PER3: variants seen among roughly 807,000 people sequenced by gnomAD.
PER3 encodes period circadian protein homolog 3.
A neutral mutation model predicts 127.2 loss-of-function variants in PER3; 107 were observed. The observed-to-expected ratio is 0.84, with a 90% CI of 0.72 to 0.99. PER3 has a LOEUF of 0.99. Ranked by LOEUF, PER3 falls within the 50% of genes least tolerant of loss-of-function variation. The pLI is 0.00. For missense variants in PER3, 1,560 were observed against 1,525.8 expected, an observed-to-expected ratio of 1.02 and a Z score of -0.37; for synonymous variants, 618 against 585.8, an observed-to-expected ratio of 1.05 and a Z score of -0.79.
chr1:7,808,166 A>G (rs2097203313), intron 10 of PER3, among the ~76,000 whole-genome samples: 1 of 146,624 alleles, frequency 6.8e-6, no homozygotes, highest in Non-Finnish European at 1.5e-5. Flanking sequence ...CTGGGTGGCA[A>G]AGATTGCAGT....
chr1:7,784,514 C>T (rs1338251542), intron 1 of PER3, 138 bp downstream of exon 1: 5 of 167,940 alleles, frequency 3.0e-5, no homozygotes, highest in African/African-American at 1.2e-4. Context: ...CACCCGCCTC[C>T]CCGGGCCCCA....
Position 7,812,624 on chromosome 1 carries a change from C to CAAAAAAAAA in PER3, c.1522+2053_1522+2061dup, listed in dbSNP as rs35962033. On this transcript the variant is annotated intron_variant, in intron 13 of 21. Coordinates refer to ENST00000377532, the MANE Select transcript of PER3 (RefSeq NM_001377275.1). The stretch of plus-strand genomic sequence containing the variant: ...TGGGCAACAGAGCAAGACTCCGTCT[C>CAAAAAAAAA]AAAAAAAAAAAAAAAAAAAAAAAAA... 4.6e-3 allele frequency among the ~76,000 whole-genome samples: 395 copies of CAAAAAAAAA among 85,390 alleles called. 24 individuals are homozygous for CAAAAAAAAA. The highest frequency in any genetic ancestry group is 0.018 in the African/African-American group (347 of 19,092). The allele number at this position is 85,390 out of a possible 152,430, so 56.0% of individuals were successfully genotyped here. A position where few individuals can be genotyped will look rare whatever the true frequency, so the allele number is the denominator to read the frequency against.
chr1:7,836,968 G>A (rs758736663), intron 20 of PER3, 31 bp from the exon 21 acceptor site: 2 of 1,582,000 alleles, frequency 1.3e-6, no homozygotes, highest in Non-Finnish European at 8.7e-7. Flanking sequence ...TCTTATTCAG[G>A]ACTATTAAGA....
At position 7,827,534 on chromosome 1, in the gene PER3, T is replaced by G. The variant is rs1459406328; in HGVS notation, c.2605T>G (p.Leu869Val). ...FLPDPPVCPL[L>V]SPSFLPCPFL... ...GCCTGACCCCCCTGTCTGTCCTCTG[T>G]TGTCGCCATCGTTTTTGCCATGTCC... The change falls in exon 18 of 22, where the codon TTG becomes GTG. Residue 869 changes from leucine to valine, a missense_variant. Coordinates refer to ENST00000377532, the MANE Select transcript of PER3 (RefSeq NM_001377275.1). 6.2e-7 allele frequency: 1 copy of G among 1,614,220 alleles called. No homozygotes were observed. The highest frequency in any genetic ancestry group is 8.5e-7 in the Non-Finnish European group (1 of 1,180,038).
At chr1:7,807,126 T>G (rs764659566) in intron 10 of PER3, among the ~76,000 whole-genome samples, 25 of 151,964 alleles carry the variant, frequency 1.6e-4, no homozygotes, top group Non-Finnish European at 1.5e-4. Flanking sequence ...GTGAACAAAG[T>G]AGACAAAATA....
chr1:7,825,078 C>T (rs1174477196), intron 16 of PER3, among the ~76,000 whole-genome samples: 2 of 150,978 alleles, frequency 1.3e-5, no homozygotes, highest in East Asian at 3.9e-4. Context: ...TAAGTTTGGT[C>T]CCTGTTACTA....
chr1:7,837,657 T>C (rs2151289735), intron 21 of PER3, among the ~76,000 whole-genome samples: 1 of 152,348 alleles, frequency 6.6e-6, no homozygotes, highest in Non-Finnish European at 1.5e-5. Flanking sequence ...ACAGTAAAGC[T>C]TTGATTTACC....
At chr1:7,797,738 T>A (rs2097152400) in intron 6 of PER3, among the ~76,000 whole-genome samples, 1 of 152,180 alleles carries the variant, frequency 6.6e-6, no homozygotes, top group Non-Finnish European at 1.5e-5. Flanking sequence ...GTCACACCTT[T>A]ACGTGCTGGC....
At chr1:7,793,898 G>T (rs1422935287) in intron 5 of PER3, 59 bp from the exon 6 acceptor site, 1 of 1,386,062 alleles carries the variant, frequency 7.2e-7, no homozygotes. Context: ...GTGCAACATT[G>T]TTTCACTGAG....
chr1:7,820,685 T>G, intron 16 of PER3, 45 bp downstream of exon 16: 1 of 1,481,356 alleles, frequency 6.8e-7, no homozygotes, highest in Non-Finnish European at 9.2e-7. Context: ...CAACTTTAAC[T>G]ACATTGTGAT....
chr1:7,835,841 C>T lies in PER3; in HGVS notation c.3294C>T (p.Asp1098=), dbSNP rs757510507. Residue 1098 remains aspartate, a synonymous_variant, in exon 20 of 22, where the codon GAC becomes GAT. Transcript: ENST00000377532. ...KISQNGQQSQ[D]VQKKETFPNV... ...CCCAAAATGGGCAGCAATCTCAGGACGTACAGAAAAAAGAAACATTTCCTA... is the reference window on the plus strand; with the variant it reads ...CCCAAAATGGGCAGCAATCTCAGGATGTACAGAAAAAAGAAACATTTCCTA... The T allele has an allele frequency of 4.7e-5, 76 of 1,610,832 alleles. No homozygotes were observed. In the South Asian group the frequency reaches 8.0e-4, roughly 17 times the overall value.
At chr1:7,810,416 T>C (rs761044488) in intron 12 of PER3, 22 bp from the exon 13 acceptor site, 10 of 1,545,910 alleles carry the variant, frequency 6.5e-6, no homozygotes, top group South Asian at 3.6e-5. Context: ...TTGAAACATA[T>C]TTTATCATTC....
intron 13 of PER3, among the ~76,000 whole-genome samples, chr1:7,818,110 C>T (rs561909389): frequency 1.3e-5 from 2 of 152,192 alleles, no homozygotes; most frequent in African/African-American, 4.8e-5. Flanking sequence ...AAGTTCTGAC[C>T]CTGAACGGAA....
chr1:7,788,488 A>T (rs192798090), intron 5 of PER3: 2 of 501,094 alleles, frequency 4.0e-6, no homozygotes, highest in African/African-American at 1.9e-5. Flanking sequence ...ATATTATTTC[A>T]TTACCAGCGT....
intron 13 of PER3, among the ~76,000 whole-genome samples, chr1:7,818,881 C>T (rs1346044438): frequency 3.3e-5 from 5 of 152,198 alleles, no homozygotes; most frequent in Non-Finnish European, 7.3e-5. Flanking sequence ...CACAGCATCA[C>T]GTAAGATGCA....
At chr1:7,832,960 C>G (rs992605153) in intron 19 of PER3, among the ~76,000 whole-genome samples, 1 of 151,974 alleles carries the variant, frequency 6.6e-6, no homozygotes, top group Admixed American at 6.6e-5. Flanking sequence ...GCCTCAGCTT[C>G]CTGAGTAGCT....
rs143776290 is a variant in PER3, at chr1:7,826,254, ATG to A, written c.1958-221_1958-220del. On this transcript the variant is annotated intron_variant, in intron 16 of 21. Coordinates refer to ENST00000377532, the MANE Select transcript of PER3 (RefSeq NM_001377275.1). This position sits in a 1 kb window ranked among gnomAD's most constrained non-coding sequence, Gnocchi z 4.2. Reference sequence around the variant, plus strand: ...TACAATAAAAGCAAGATTTAAATAAATGTGTGCATATTGATTATCACAACTGT... The same window carrying A: ...TACAATAAAAGCAAGATTTAAATAAATGTGCATATTGATTATCACAACTGT... Among the ~76,000 whole-genome samples, 272 of 152,354 alleles carry A rather than the reference ATG, an allele frequency of 1.8e-3. 1 individual carries two copies. Among genetic ancestry groups the A allele is most frequent in the Middle Eastern group, 3.4e-3 (1 of 294 alleles).
chr1:7,799,923 C>T (rs2097162907), intron 7 of PER3, among the ~76,000 whole-genome samples: 1 of 151,894 alleles, frequency 6.6e-6, no homozygotes, highest in Admixed American at 6.6e-5. Flanking sequence ...CACGCACCAT[C>T]ACGCCTGACT....
intron 11 of PER3, 69 bp from the exon 12 acceptor site, chr1:7,809,824 A>G (rs2097211231): frequency 6.2e-6 from 9 of 1,442,548 alleles, no homozygotes; most frequent in Non-Finnish European, 8.6e-6. Flanking sequence ...ACATGATTCT[A>G]GATGAGCTCT....
Sources: allele counts gnomAD v4.1 joint callset (sites outside exome capture counted in the v4.1 genomes callset), GRCh38; gene constraint gnomAD v4.1.1; non-coding constraint Gnocchi (gnomAD v3.1); transcripts MANE v1.5; gene names NCBI Gene and HGNC (gene_info 2026-07-23, HGNC 2026-07-21).